Variants in SPATA1 observed in about 807,000 individuals in gnomAD.
SPATA1 encodes spermatogenesis-associated protein 1.
SPATA1 carries 57 observed loss-of-function variants against 59.6 expected under a neutral mutation model. That is an observed-to-expected ratio of 0.96 (90% CI 0.77 to 1.19). The LOEUF is 1.19. SPATA1 is among the 50% of genes most tolerant of loss of function. The pLI, the probability that SPATA1 is intolerant of heterozygous loss-of-function variation, is 0.00. For synonymous variants in SPATA1, 147 were observed against 163.9 expected (o/e 0.90, Z 0.79); for missense variants, 448 against 480.7 (o/e 0.93, Z 0.64).
chr1:84,530,232 G>A (rs1253881638), intron 6 of SPATA1, among the ~76,000 whole-genome samples: 1 of 152,194 alleles, frequency 6.6e-6, no homozygotes, highest in Non-Finnish European at 1.5e-5. Flanking sequence ...CAGGGCTACA[G>A]TGTATGGCCA....
chr1:84,532,495 CA>C (rs113004820), intron 6 of SPATA1, among the ~76,000 whole-genome samples: 4,913 of 145,844 alleles, frequency 0.034, 149 homozygotes, highest in African/African-American at 0.081. Context: ...GTCTCTATCT[CA>C]AAAAAAAAAA....
chr1:84,507,132 C>G (rs1254956706), intron 1 of SPATA1: 1 of 152,084 alleles, frequency 6.6e-6, no homozygotes, highest in African/African-American at 2.4e-5. Flanking sequence ...TTCTTTCATC[C>G]ACGGAAATAT....
intron 8 of SPATA1, among the ~76,000 whole-genome samples, chr1:84,543,354 A>G (rs979106498): frequency 1.3e-5 from 2 of 152,198 alleles, no homozygotes; most frequent in Non-Finnish European, 2.9e-5. Context: ...CACTGCTATA[A>G]AAAATACCTG....
intron 4 of SPATA1, chr1:84,563,736 TCAGA>T: frequency 6.3e-7 from 1 of 1,575,794 alleles, no homozygotes; most frequent in African/African-American, 1.4e-5. Context: ...TGTTCCTACC[TCAGA>T]CAGATTCAGG....
intron 8 of SPATA1, among the ~76,000 whole-genome samples, chr1:84,537,931 C>T (rs1683764789): frequency 6.6e-6 from 1 of 152,178 alleles, no homozygotes; most frequent in South Asian, 2.1e-4. Context: ...CCTCATACTG[C>T]CTCCCTGATG....
At chr1:84,564,474 A>C (rs968343430) in intron 4 of SPATA1, among the ~76,000 whole-genome samples, 15 of 152,178 alleles carry the variant, frequency 9.9e-5, no homozygotes, top group African/African-American at 3.4e-4. Flanking sequence ...GTTATTATGT[A>C]CTATTAAATA....
chr1:84,561,279 G>T (rs1331880609), intron 4 of SPATA1, among the ~76,000 whole-genome samples: 1 of 152,210 alleles, frequency 6.6e-6, no homozygotes. Context: ...TTCAGTGAAG[G>T]AAGTAACTGC....
At chr1:84,548,761 T>C in intron 10 of SPATA1, 25 bp from the exon 11 acceptor site, 1 of 718,604 alleles carries the variant, frequency 1.4e-6, no homozygotes, top group Non-Finnish European at 1.8e-6. Flanking sequence ...TTTTTTTTTT[T>C]TTTTTTTTTT....
At chr1:84,561,297 G>C (rs947582350) in intron 4 of SPATA1, among the ~76,000 whole-genome samples, 1 of 152,240 alleles carries the variant, frequency 6.6e-6, no homozygotes, top group African/African-American at 2.4e-5. Flanking sequence ...TGCAGAGGTA[G>C]TGGAAACAGC....
At chr1:84,554,405 T>A (rs1570461971) in exon 13 of SPATA1, 1 of 152,244 alleles carries the variant, frequency 6.6e-6, no homozygotes, top group Non-Finnish European at 1.5e-5. Context: ...ATCTTCTGGA[T>A]TCTTTTTAAT....
At chr1:84,534,869 T>C (rs1308425396) in intron 8 of SPATA1, among the ~76,000 whole-genome samples, 2 of 152,142 alleles carry the variant, frequency 1.3e-5, no homozygotes, top group African/African-American at 4.8e-5. Context: ...AATGAGTCTT[T>C]AATTGTGCCA....
downstream of SPATA1, among the ~76,000 whole-genome samples, chr1:84,555,690 T>C (rs1384491202): frequency 2.0e-5 from 3 of 152,242 alleles, no homozygotes; most frequent in Non-Finnish European, 4.4e-5. Flanking sequence ...AGCCAAGGCG[T>C]ACATCTGAAT....
Position 84,533,107 on chromosome 1 carries a change from A to G in SPATA1, c.659+133A>G, listed in dbSNP as rs1683538737. 8.4e-6 allele frequency: 5 copies of G among 595,452 alleles called. No homozygotes were observed. The South Asian group carries it at 1.4e-4, about 17-fold the overall frequency. 36.9% of individuals were successfully genotyped at this position (595,452 alleles called of 1,614,324 possible). A position where few individuals can be genotyped will look rare whatever the true frequency, so the allele number is the denominator to read the frequency against. On this transcript the variant is annotated intron_variant, in intron 7 of 12. Transcript: ENST00000490879. ...AATTAGTGATATTTTAATTAAAATTACCTTGATTCAGATCTTTACTGTTTT... is the reference window on the plus strand; with the variant it reads ...AATTAGTGATATTTTAATTAAAATTGCCTTGATTCAGATCTTTACTGTTTT...
At chr1:84,525,363 G>A (rs1364793950) in intron 4 of SPATA1, among the ~76,000 whole-genome samples, 1 of 152,186 alleles carries the variant, frequency 6.6e-6, no homozygotes, top group African/African-American at 2.4e-5. Context: ...GGACTTTGGG[G>A]TCAGATGACC....
At position 84,552,848 on chromosome 1, in the gene SPATA1, C is replaced by A; in HGVS notation, c.1225-187C>A. 13 of 509,874 alleles carry A rather than the reference C, an allele frequency of 2.5e-5. No homozygotes were observed. The South Asian group carries it at 3.4e-4, about 13-fold the overall frequency. 31.6% of individuals were successfully genotyped at this position (509,874 alleles called of 1,614,324 possible). On this transcript the variant is annotated intron_variant, in intron 12 of 12. Transcript: ENST00000490879. ...ATAGCATATCTCACCAGTAGATAAG[C>A]ATGCTTATTAAACAGCATTCATAAT...
chr1:84,558,301 T>G (rs1308584028), downstream of SPATA1, among the ~76,000 whole-genome samples: 1 of 151,962 alleles, frequency 6.6e-6, no homozygotes, highest in Non-Finnish European at 1.5e-5. Context: ...AACTTTTTTT[T>G]TTTTTTGAGA....
intron 6 of SPATA1, among the ~76,000 whole-genome samples, chr1:84,531,662 C>T (rs1683475675): frequency 6.6e-6 from 1 of 150,494 alleles, no homozygotes; most frequent in African/African-American, 2.5e-5. Context: ...CAGCCTCAAC[C>T]TTCCAGGATC....
intron 8 of SPATA1, among the ~76,000 whole-genome samples, chr1:84,542,554 C>T (rs1469248845): frequency 6.6e-6 from 1 of 152,040 alleles, no homozygotes; most frequent in Non-Finnish European, 1.5e-5. Flanking sequence ...TCTTTCCAGG[C>T]TAACTCGTGA....
At chr1:84,522,238 A>T (rs1456213975) in intron 3 of SPATA1, among the ~76,000 whole-genome samples, 152 bp from the exon 4 acceptor site, 1 of 152,214 alleles carries the variant, frequency 6.6e-6, no homozygotes, top group East Asian at 1.9e-4. Context: ...GACCTACAAA[A>T]TGCCGGCAAT....
Sources: allele counts gnomAD v4.1 joint callset (sites outside exome capture counted in the v4.1 genomes callset), GRCh38; gene constraint gnomAD v4.1.1; transcripts MANE v1.5; gene names NCBI Gene and HGNC (gene_info 2026-07-23, HGNC 2026-07-21).